The following SORBS2 variants were observed in gnomAD, a reference collection of about 807,000 sequenced individuals.
SORBS2 encodes the protein sorbin and SH3 domain containing 2.
Under a neutral mutation model 97.7 loss-of-function variants are expected in SORBS2, and 46 were observed. That is an observed-to-expected ratio of 0.47 (90% CI 0.37 to 0.60). SORBS2 has a LOEUF of 0.60. SORBS2 is among the 20% of genes least tolerant of loss of function. The probability of loss-of-function intolerance (pLI) is 0.00; values close to 1 mark genes in which losing one functional copy is unlikely to be tolerated. For missense variants in SORBS2, 1,316 were observed against 1,282.3 expected, an observed-to-expected ratio of 1.03 and a Z score of -0.40; for synonymous variants, 476 against 473.4, an observed-to-expected ratio of 1.01 and a Z score of -0.07.
At chr4:185,879,108 G>A (rs1248421528) in intron 1 of SORBS2, among the ~76,000 whole-genome samples, 1 of 150,340 alleles carries the variant, frequency 6.7e-6, no homozygotes, top group Non-Finnish European at 1.5e-5. Context: ...TGCCATGTTG[G>A]TGTGCTGCAC....
chr4:185,613,865 C>A (rs10025055), intron 11 of SORBS2, among the ~76,000 whole-genome samples: 1 of 151,862 alleles, frequency 6.6e-6, no homozygotes, highest in African/African-American at 2.4e-5. Flanking sequence ...AAGAAGGAAT[C>A]GGCTGATGAT....
At chr4:185,631,799 C>A (rs1238254928) in intron 4 of SORBS2, among the ~76,000 whole-genome samples, 1 of 151,462 alleles carries the variant, frequency 6.6e-6, no homozygotes, top group Non-Finnish European at 1.5e-5. Flanking sequence ...AAAAACAAAA[C>A]AAAACAAAAC....
chr4:185,886,853 C>A (rs2099239925), intron 1 of SORBS2, among the ~76,000 whole-genome samples: 1 of 152,186 alleles, frequency 6.6e-6, no homozygotes, highest in Non-Finnish European at 1.5e-5. Flanking sequence ...ATTTGAAAAG[C>A]TGGGCTTTGA....
chr4:185,715,675 A>G (rs2098459498), intron 2 of SORBS2, among the ~76,000 whole-genome samples: 1 of 152,236 alleles, frequency 6.6e-6, no homozygotes, highest in African/African-American at 2.4e-5. Flanking sequence ...CTGGAACTCA[A>G]CAACTTGAAA....
intron 1 of SORBS2, among the ~76,000 whole-genome samples, chr4:185,778,939 G>A (rs115329142): frequency 2.4e-3 from 361 of 152,268 alleles, no homozygotes; most frequent in African/African-American, 8.3e-3. Context: ...AAACGAGCAC[G>A]CCAACTTTAA....
At chr4:185,604,367 C>T (rs2096355096) in intron 12 of SORBS2, among the ~76,000 whole-genome samples, 3 of 152,070 alleles carry the variant, frequency 2.0e-5, no homozygotes, top group Non-Finnish European at 4.4e-5. Flanking sequence ...GGATTGATCT[C>T]CTGTTGATAA....
chr4:185,607,154 A>G lies in SORBS2; in HGVS notation c.2796+4626T>C. On this transcript the variant is annotated intron_variant, in intron 12 of 14. Transcript: ENST00000418609. The surrounding 1 kb of genome is among the most constrained non-coding windows in gnomAD (Gnocchi z 5.2). ...GTTGGTTTGGCTTGGTCAGCTGACAAGGTTAAAGCACCAAGCTTCTCCAAT... is the reference window on the plus strand; with the variant it reads ...GTTGGTTTGGCTTGGTCAGCTGACAGGGTTAAAGCACCAAGCTTCTCCAAT... 9.1e-7 allele frequency: 1 copy of G among 1,099,472 alleles called. No individual in the cohort carries two copies. The highest frequency in any genetic ancestry group is 1.1e-6 in the Non-Finnish European group (1 of 895,406). 68.1% of individuals were successfully genotyped at this position (1,099,472 alleles called of 1,614,324 possible).
intron 1 of SORBS2, among the ~76,000 whole-genome samples, chr4:185,836,761 A>G (rs1166440043): frequency 6.6e-6 from 1 of 152,234 alleles, no homozygotes; most frequent in Non-Finnish European, 1.5e-5. Context: ...CCTCTTGTCC[A>G]CATTATTTAT....
At chr4:185,605,395 G>A (rs1004579684) in intron 12 of SORBS2, among the ~76,000 whole-genome samples, 2 of 152,316 alleles carry the variant, frequency 1.3e-5, no homozygotes, top group South Asian at 4.1e-4. Flanking sequence ...CAGTTCTCCT[G>A]CCTCAGCCTC....
At chr4:185,921,871 C>A (rs938024467) in intron 1 of SORBS2, among the ~76,000 whole-genome samples, 2 of 152,218 alleles carry the variant, frequency 1.3e-5, no homozygotes, top group African/African-American at 4.8e-5. Flanking sequence ...CTCTTCAGCA[C>A]CTTCACCTCC....
At chr4:185,597,210 A>G (rs1184253354) in intron 12 of SORBS2, among the ~76,000 whole-genome samples, 1 of 152,206 alleles carries the variant, frequency 6.6e-6, no homozygotes, top group East Asian at 1.9e-4. Flanking sequence ...GGCGTTAAGC[A>G]CCATATAACC....
chr4:185,667,099 G>A (rs534983246), intron 4 of SORBS2, among the ~76,000 whole-genome samples: 10 of 152,142 alleles, frequency 6.6e-5, no homozygotes, highest in East Asian at 1.9e-4. Context: ...TCAATTCAAC[G>A]TAAGTGAATA....
At chr4:185,878,490 C>G (rs1424665840) in intron 1 of SORBS2, among the ~76,000 whole-genome samples, 1 of 152,250 alleles carries the variant, frequency 6.6e-6, no homozygotes, top group East Asian at 1.9e-4. Context: ...GCCCAGGAGC[C>G]GTACCTGGCG....
chr4:185,680,819 G>C (rs2097857388), intron 2 of SORBS2, among the ~76,000 whole-genome samples: 1 of 152,102 alleles, frequency 6.6e-6, no homozygotes. Flanking sequence ...TAGTCTGTAG[G>C]GGGCAGGCTC....
At chr4:185,748,501 C>G (rs527319435) in intron 2 of SORBS2, among the ~76,000 whole-genome samples, 2 of 152,064 alleles carry the variant, frequency 1.3e-5, no homozygotes, top group South Asian at 2.1e-4. Context: ...CTGCCTAAGC[C>G]CCCCCACCAC....
At chr4:185,677,672 A>C in intron 4 of SORBS2, 1 of 1,443,220 alleles carries the variant, frequency 6.9e-7, no homozygotes, top group Non-Finnish European at 9.1e-7. Flanking sequence ...GAAAGAAATA[A>C]AGTTGAAAGA....
At chr4:185,641,051 T>C (rs1581606450) in intron 4 of SORBS2, among the ~76,000 whole-genome samples, 2 of 152,198 alleles carry the variant, frequency 1.3e-5, no homozygotes, top group Admixed American at 1.3e-4. Flanking sequence ...TTGTTAGCTA[T>C]GTAGCTTCAC....
intron 4 of SORBS2, among the ~76,000 whole-genome samples, chr4:185,640,524 T>A (rs1259340501): frequency 6.6e-6 from 1 of 152,202 alleles, no homozygotes; most frequent in East Asian, 1.9e-4. Context: ...TTTATGCCAG[T>A]ATTATATTTG....
chr4:185,588,727 G>A (rs2095850997), intron 14 of SORBS2, among the ~76,000 whole-genome samples: 1 of 151,224 alleles, frequency 6.6e-6, no homozygotes, highest in Admixed American at 6.6e-5. Context: ...CAATTCTCCT[G>A]CCTTAGCCTC....
Sources: gnomAD v4.1 joint callset for allele counts (sites outside exome capture counted in the v4.1 genomes callset) on GRCh38, gnomAD v4.1.1 for gene constraint, Gnocchi (gnomAD v3.1) non-coding constraint, MANE v1.5 for transcripts, NCBI Gene and HGNC (gene_info 2026-07-23, HGNC 2026-07-21) for gene names.